DLG2: variants seen among roughly 807,000 people sequenced by gnomAD.
The protein encoded by DLG2 is disks large homolog 2.
In DLG2, 45 loss-of-function variants were observed where a neutral mutation model predicts 132.5. The observed-to-expected ratio is 0.34, with a 90% CI of 0.27 to 0.44. DLG2 has a LOEUF of 0.44. DLG2 is among the 20% of genes least tolerant of loss of function. The probability of loss-of-function intolerance (pLI) is 1.00; values close to 1 mark genes in which losing one functional copy is unlikely to be tolerated. For missense variants in DLG2, 1,045 were observed against 1,196.9 expected, an observed-to-expected ratio of 0.87 and a Z score of 1.87; for synonymous variants, 424 against 419.6, an observed-to-expected ratio of 1.01 and a Z score of -0.13.
At position 84,344,520 on chromosome 11, in the gene DLG2, T is replaced by C. The variant is rs1351745681; in HGVS notation, c.520-93229A>G. Among the ~76,000 whole-genome samples the C allele has an allele frequency of 2.0e-5, 3 of 152,328 alleles. No individual in the cohort carries two copies. In the East Asian group the frequency reaches 5.8e-4, roughly 29 times the overall value. ...AACTCAGAGCTCTCATATTTACTTCTTGATGGAGATGGTTGAAAGCTCAGT... is the reference window on the plus strand; with the variant it reads ...AACTCAGAGCTCTCATATTTACTTCCTGATGGAGATGGTTGAAAGCTCAGT... On this transcript the variant is annotated intron_variant, in intron 7 of 27. Coordinates refer to ENST00000376104, the MANE Select transcript of DLG2 (RefSeq NM_001142699.3).
At chr11:83,629,942 A>G (rs1423735220) in intron 19 of DLG2, among the ~76,000 whole-genome samples, 3 of 152,180 alleles carry the variant, frequency 2.0e-5, no homozygotes, top group African/African-American at 7.2e-5. Flanking sequence ...TTACTGCTAT[A>G]TGTTTCACAA....
At chr11:84,127,798 C>G (rs2094245581) in intron 9 of DLG2, among the ~76,000 whole-genome samples, 1 of 152,068 alleles carries the variant, frequency 6.6e-6, no homozygotes, top group African/African-American at 2.4e-5. Flanking sequence ...CTAAATTTCC[C>G]TTTTCTGTAA....
At chr11:83,502,903 T>C (rs773010247) in intron 21 of DLG2, among the ~76,000 whole-genome samples, 2 of 152,074 alleles carry the variant, frequency 1.3e-5, no homozygotes, top group African/African-American at 4.8e-5. Context: ...TCATGAACTT[T>C]CTCTTGTTAG....
chr11:85,122,205 C>A (rs2074404874), intron 5 of DLG2, among the ~76,000 whole-genome samples: 1 of 152,138 alleles, frequency 6.6e-6, no homozygotes, highest in Non-Finnish European at 1.5e-5. Context: ...AACTACACAA[C>A]CAGATAAAGA....
intron 7 of DLG2, among the ~76,000 whole-genome samples, chr11:84,488,700 T>C (rs1230139856): frequency 1.3e-5 from 2 of 152,116 alleles, no homozygotes; most frequent in Non-Finnish European, 1.5e-5. Flanking sequence ...ATGTAAAAGA[T>C]GCCTTTCACA....
At chr11:83,845,412 G>T (rs2058423331) in intron 16 of DLG2, among the ~76,000 whole-genome samples, 1 of 152,122 alleles carries the variant, frequency 6.6e-6, no homozygotes, top group Non-Finnish European at 1.5e-5. Context: ...CTCCTCAGAA[G>T]GATGCAGTAT....
chr11:84,559,788 A>T (rs1336433642), intron 6 of DLG2, among the ~76,000 whole-genome samples: 1 of 152,110 alleles, frequency 6.6e-6, no homozygotes, highest in East Asian at 1.9e-4. Flanking sequence ...TTGGGTTTAG[A>T]TCTAAAAGGT....
intron 10 of DLG2, among the ~76,000 whole-genome samples, chr11:84,091,906 G>T (rs2097099278): frequency 6.6e-6 from 1 of 152,068 alleles, no homozygotes; most frequent in Admixed American, 6.5e-5. Context: ...TGTAGCCTGG[G>T]GACTTACTTA....
At chr11:85,021,711 A>T (rs3851176) in intron 6 of DLG2, 8 of 841,338 alleles carry the variant, frequency 9.5e-6, no homozygotes. Flanking sequence ...ATCAAAAAAA[A>T]TCCCATAGGA....
At chr11:84,991,056 T>C (rs1055870487) in intron 6 of DLG2, among the ~76,000 whole-genome samples, 1 of 152,158 alleles carries the variant, frequency 6.6e-6, no homozygotes, top group South Asian at 2.1e-4. Flanking sequence ...GGACTATCAG[T>C]ACAATCAACA....
intron 3 of DLG2, among the ~76,000 whole-genome samples, chr11:85,587,532 T>C (rs1358306090): frequency 6.6e-6 from 1 of 152,212 alleles, no homozygotes; most frequent in African/African-American, 2.4e-5. Context: ...TGCTCACTTT[T>C]GGTTTCCATT....
intron 11 of DLG2, among the ~76,000 whole-genome samples, chr11:83,982,521 TAGAAA>T (rs1307093332): frequency 2.1e-5 from 3 of 144,970 alleles, no homozygotes; most frequent in African/African-American, 5.1e-5. Flanking sequence ...AGAATAAGAA[TAGAAA>T]AAAGAAAATA....
intron 3 of DLG2, among the ~76,000 whole-genome samples, chr11:85,368,570 T>A (rs1362001503): frequency 6.6e-6 from 1 of 152,226 alleles, no homozygotes; most frequent in Non-Finnish European, 1.5e-5. Flanking sequence ...TCTTCCTACT[T>A]TTTCTCTTGT....
At chr11:85,423,581 C>T (rs2090485479) in intron 3 of DLG2, among the ~76,000 whole-genome samples, 2 of 152,080 alleles carry the variant, frequency 1.3e-5, no homozygotes, top group African/African-American at 4.8e-5. Context: ...TGAGCTCAGA[C>T]TCTCCTTGGG....
At chr11:84,508,400 CT>C (rs371285075) in intron 7 of DLG2, among the ~76,000 whole-genome samples, 27,961 of 140,950 alleles carry the variant, frequency 0.2, 2,381 homozygotes, top group South Asian at 0.34. Flanking sequence ...CTTTCTTTAC[CT>C]TTTTTTTTTT....
intron 6 of DLG2, among the ~76,000 whole-genome samples, chr11:84,703,262 C>G (rs1001554797): frequency 1.3e-5 from 2 of 151,542 alleles, no homozygotes; most frequent in Non-Finnish European, 3.0e-5. Flanking sequence ...CTGTTAGGTT[C>G]TACCATACAA....
intron 6 of DLG2, among the ~76,000 whole-genome samples, chr11:84,778,277 C>A (rs1271519271): frequency 6.6e-6 from 1 of 152,062 alleles, no homozygotes; most frequent in Admixed American, 6.6e-5. Context: ...TATGTGGCTT[C>A]ATTTCTGGAT....
chr11:85,234,436 TGA>T (rs2075470890), intron 4 of DLG2, among the ~76,000 whole-genome samples: 1 of 151,940 alleles, frequency 6.6e-6, no homozygotes, highest in African/African-American at 2.4e-5. Context: ...GACTAAATTC[TGA>T]GAGTGAAATC....
intron 6 of DLG2, among the ~76,000 whole-genome samples, chr11:84,815,380 C>A (rs575234902): frequency 2.0e-5 from 3 of 152,108 alleles, no homozygotes; most frequent in African/African-American, 7.2e-5. Flanking sequence ...CTCCAAGGGG[C>A]AGAAGGTGTC....
Sources: gnomAD v4.1 joint callset for allele counts (sites outside exome capture counted in the v4.1 genomes callset) on GRCh38, gnomAD v4.1.1 for gene constraint, MANE v1.5 for transcripts, NCBI Gene and HGNC (gene_info 2026-07-23, HGNC 2026-07-21) for gene names.